The following GJC3 variants were observed in gnomAD, a reference collection of about 807,000 sequenced individuals.
The protein encoded by GJC3 is gap junction gamma-3 protein.
In GJC3, 17 loss-of-function variants were observed where a neutral mutation model predicts 19.8. The observed-to-expected ratio is 0.86, with a 90% CI of 0.59 to 1.29. The LOEUF is 1.29. Ranked by LOEUF, GJC3 falls within the 50% of genes most tolerant of loss-of-function variation. GJC3 has a pLI of 0.00. For missense variants in GJC3, 317 were observed against 332.5 expected, an observed-to-expected ratio of 0.95 and a Z score of 0.36; for synonymous variants, 140 against 136.5, an observed-to-expected ratio of 1.03 and a Z score of -0.18.
chr7:99,923,417 C>A lies in GJC3; in HGVS notation c.*128G>T. The A allele has an allele frequency of 1.3e-6, 1 of 762,738 alleles. No individual in the cohort carries two copies. The highest frequency in any genetic ancestry group is 1.4e-5 in the South Asian group (1 of 72,712). The allele number at this position is 762,738 out of a possible 1,614,324, so 47.2% of individuals were successfully genotyped here. ...ATTGTATGTAGAGGTGGAGTCAAGG[C>A]AGCGCAGTCCCAGTTGTCGGTTATG... On this transcript the variant is annotated 3_prime_UTR_variant, in exon 2 of 2. Coordinates refer to ENST00000312891, the MANE Select transcript of GJC3 (RefSeq NM_181538.3).
rs369339218 is a variant in GJC3, at chr7:99,928,828, T to C, written c.781+12A>G. On this transcript the variant is annotated intron_variant, in intron 1 of 1. Transcript: ENST00000312891. The stretch of plus-strand genomic sequence containing the variant: ...AAACATCAGTGACAGGAAGAGAGCG[T>C]GTCCTTCTCACCTGCTTCTTGAAAT... The C allele has an allele frequency of 1.5e-4, 250 of 1,613,164 alleles. No individual in the cohort carries two copies. Among genetic ancestry groups the C allele is most frequent in the Non-Finnish European group, 2.0e-4 (233 of 1,179,268 alleles).
intron 1 of GJC3, among the ~76,000 whole-genome samples, chr7:99,924,388 G>A (rs552517294): frequency 6.6e-6 from 1 of 152,256 alleles, no homozygotes; most frequent in Non-Finnish European, 1.5e-5. Flanking sequence ...AGGAGTTCGA[G>A]ACCAGCTTGG....
chr7:99,926,074 C>T (rs575288385), intron 1 of GJC3, among the ~76,000 whole-genome samples: 1 of 152,326 alleles, frequency 6.6e-6, no homozygotes, highest in East Asian at 1.9e-4. Context: ...TGGCTCAGGA[C>T]TGTTGTTCCA....
rs938466274 is a variant in GJC3, at chr7:99,923,415, G to C, written c.*130C>G. ...TCATTGTATGTAGAGGTGGAGTCAA[G>C]GCAGCGCAGTCCCAGTTGTCGGTTA... On this transcript the variant is annotated 3_prime_UTR_variant, in exon 2 of 2. Coordinates refer to ENST00000312891, the MANE Select transcript of GJC3 (RefSeq NM_181538.3). 1.3e-6 allele frequency: 1 copy of C among 761,908 alleles called. No homozygotes were observed. The highest frequency in any genetic ancestry group is 2.4e-6 in the Non-Finnish European group (1 of 410,948). 47.2% of individuals were successfully genotyped at this position (761,908 alleles called of 1,614,324 possible). A position where few individuals can be genotyped will look rare whatever the true frequency, so the allele number is the denominator to read the frequency against.
At position 99,923,483 on chromosome 7, in the gene GJC3, T is replaced by C. The variant is rs1484939843; in HGVS notation, c.*62A>G. The C allele has an allele frequency of 6.4e-6, 5 of 779,068 alleles. No homozygotes were observed. Among genetic ancestry groups the C allele is most frequent in the Non-Finnish European group, 2.4e-6 (1 of 418,060 alleles). 48.3% of individuals were successfully genotyped at this position (779,068 alleles called of 1,614,324 possible). On this transcript the variant is annotated 3_prime_UTR_variant, in exon 2 of 2. Coordinates refer to ENST00000312891, the MANE Select transcript of GJC3 (RefSeq NM_181538.3). ...CATGTATAGAAAATGGTGAATAAGC[T>C]CCTCCTTGGACAGGATTTTAAGTAT... is the stretch of plus-strand genomic sequence containing the variant.
intron 1 of GJC3, among the ~76,000 whole-genome samples, chr7:99,925,150 T>C (rs765848425): frequency 6.6e-6 from 1 of 152,174 alleles, no homozygotes; most frequent in Admixed American, 6.6e-5. Context: ...ACTAGTATAA[T>C]TGGATTATTT....
chr7:99,923,461 G>A lies in GJC3; in HGVS notation c.*84C>T, dbSNP rs755427781. On this transcript the variant is annotated 3_prime_UTR_variant, in exon 2 of 2. Coordinates refer to ENST00000312891, the MANE Select transcript of GJC3 (RefSeq NM_181538.3). Reference sequence around the variant, plus strand: ...GGTTATGCTGCTACATATGTCACATGTATAGAAAATGGTGAATAAGCTCCT... The same window carrying A: ...GGTTATGCTGCTACATATGTCACATATATAGAAAATGGTGAATAAGCTCCT... The A allele has an allele frequency of 4.4e-5, 34 of 778,326 alleles. No individual in the cohort carries two copies. The Admixed American group carries it at 4.7e-4, about 11-fold the overall frequency. The allele number at this position is 778,326 out of a possible 1,614,324, so 48.2% of individuals were successfully genotyped here.
At chr7:99,929,999 T>G (rs1449750690), upstream of GJC3, among the ~76,000 whole-genome samples, 1 of 152,172 alleles carries the variant, frequency 6.6e-6, no homozygotes, top group African/African-American at 2.4e-5. Flanking sequence ...GTTTTGTTAA[T>G]TTTCCTTTGA....
At chr7:99,927,136 T>C (rs892687961) in intron 1 of GJC3, among the ~76,000 whole-genome samples, 6 of 152,326 alleles carry the variant, frequency 3.9e-5, no homozygotes, top group Admixed American at 3.9e-4. Flanking sequence ...GGACAGGCAA[T>C]TTCCCATCTG....
chr7:99,929,345 C>T lies in GJC3; in HGVS notation c.276G>A (p.Met92Ile), dbSNP rs760902189. ...ILVAVPSALYMGFTLYHVIWH... is the reference protein window; with the variant it reads ...ILVAVPSALYIGFTLYHVIWH... Reference sequence around the variant, plus strand: ...AGATCACGTGATACAGAGTGAAACCCATATAGAGGGCGCTGGGTACAGCCA... The same window carrying T: ...AGATCACGTGATACAGAGTGAAACCTATATAGAGGGCGCTGGGTACAGCCA... Residue 92 changes from methionine (M) to isoleucine (I), a missense_variant, in exon 1 of 2, where the codon ATG becomes ATA. By Grantham distance (10) the Met-to-Ile change is conservative. Coordinates refer to ENST00000312891, the MANE Select transcript of GJC3 (RefSeq NM_181538.3). The T allele has an allele frequency of 9.9e-6, 16 of 1,614,180 alleles. No individual in the cohort carries two copies. The highest frequency in any genetic ancestry group is 1.4e-5 in the Non-Finnish European group (16 of 1,180,036).
intron 1 of GJC3, among the ~76,000 whole-genome samples, chr7:99,927,140 C>T (rs1157967163): frequency 6.6e-6 from 1 of 152,192 alleles, no homozygotes; most frequent in Admixed American, 6.5e-5. Context: ...AGGCAATTTC[C>T]CATCTGCTGC....
rs1819847636 is a variant in GJC3, at chr7:99,928,839, C to A, written c.781+1G>T. The A allele has an allele frequency of 6.2e-7, 1 of 1,613,816 alleles. No individual in the cohort carries two copies. Among genetic ancestry groups the A allele is most frequent in the Non-Finnish European group, 8.5e-7 (1 of 1,179,832 alleles). Reference sequence around the variant, plus strand: ...ACAGGAAGAGAGCGTGTCCTTCTCACCTGCTTCTTGAAATTGCTCTTTGGT... The same window carrying A: ...ACAGGAAGAGAGCGTGTCCTTCTCAACTGCTTCTTGAAATTGCTCTTTGGT... On this transcript the variant is annotated splice_donor_variant, in intron 1 of 1. Coordinates refer to ENST00000312891, the MANE Select transcript of GJC3 (RefSeq NM_181538.3). LOFTEE classifies it high-confidence loss of function.
upstream of GJC3, among the ~76,000 whole-genome samples, chr7:99,930,346 A>G (rs1819878609): frequency 6.6e-6 from 1 of 152,228 alleles, no homozygotes; most frequent in Admixed American, 6.5e-5. Flanking sequence ...CCAGAATTAC[A>G]TACTATAGGA....
intron 1 of GJC3, 109 bp from the exon 2 acceptor site, chr7:99,923,712 G>A: frequency 4.2e-6 from 3 of 715,072 alleles, no homozygotes; most frequent in East Asian, 2.6e-5. Context: ...CCACCCATGT[G>A]GGACCTATCA....
chr7:99,923,673 C>T (rs1819729648), intron 1 of GJC3, 70 bp from the exon 2 acceptor site: 2 of 755,646 alleles, frequency 2.6e-6, no homozygotes, highest in Admixed American at 3.7e-5. Context: ...GTACCCAAAA[C>T]CCAAGGACCC....
chr7:99,923,288 A>G lies in GJC3; in HGVS notation c.*257T>C. On this transcript the variant is annotated 3_prime_UTR_variant, in exon 2 of 2. Transcript: ENST00000312891. ...AAGGAGGATTTCCCAGGGGGATTTT[A>G]TTACTTGCGATAAGTAAGGAGGACA... The G allele has an allele frequency of 1.9e-6, 1 of 527,382 alleles. No individual in the cohort carries two copies. Among genetic ancestry groups the G allele is most frequent in the Non-Finnish European group, 3.4e-6 (1 of 291,764 alleles). The allele number at this position is 527,382 out of a possible 1,614,324, so 32.7% of individuals were successfully genotyped here. A position where few individuals can be genotyped will look rare whatever the true frequency, so the allele number is the denominator to read the frequency against.
intron 1 of GJC3, among the ~76,000 whole-genome samples, chr7:99,926,688 A>G (rs1256642533): frequency 6.6e-6 from 1 of 152,162 alleles, no homozygotes; most frequent in African/African-American, 2.4e-5. Context: ...TTTGAGAGTA[A>G]CATGAGGGGG....
chr7:99,927,539 G>A (rs1022892035), intron 1 of GJC3, among the ~76,000 whole-genome samples: 2 of 151,792 alleles, frequency 1.3e-5, no homozygotes, highest in African/African-American at 4.9e-5. Context: ...ACTTACTTGG[G>A]GATAATTTGG....
chr7:99,929,003 A>G lies in GJC3; in HGVS notation c.618T>C (p.Thr206=), dbSNP rs750596495. The part of the protein sequence containing the change: ...FGVSGFCLLF[T]FLELVLLGLG... Reference sequence around the variant, plus strand: ...AACCCAGAAGCACAAGCTCCAAAAAAGTAAACAAGAGACAGAAACCGCTGA... The same window carrying G: ...AACCCAGAAGCACAAGCTCCAAAAAGGTAAACAAGAGACAGAAACCGCTGA... The change falls in exon 1 of 2, where the codon ACT becomes ACC. Residue 206 remains threonine, a synonymous_variant. Transcript: ENST00000312891. 4.3e-6 allele frequency: 7 copies of G among 1,614,238 alleles called. No homozygotes were observed. The highest frequency in any genetic ancestry group is 5.9e-6 in the Non-Finnish European group (7 of 1,180,036).
Sources: allele counts gnomAD v4.1 joint callset (sites outside exome capture counted in the v4.1 genomes callset), GRCh38; gene constraint gnomAD v4.1.1; transcripts MANE v1.5; gene names NCBI Gene and HGNC (gene_info 2026-07-23, HGNC 2026-07-21).